ZC3H12B: variants seen among roughly 807,000 people sequenced by gnomAD.
The protein encoded by ZC3H12B is zinc finger CCCH-type containing 12B.
A neutral mutation model predicts 43.9 loss-of-function variants in ZC3H12B; 7 were observed. That is an observed-to-expected ratio of 0.16 (90% CI 0.09 to 0.30). The LOEUF is 0.30. Among genes scored for constraint, ZC3H12B ranks in the 10% least tolerant of loss-of-function variants. The pLI, the probability that ZC3H12B is intolerant of heterozygous loss-of-function variation, is 1.00. For missense variants in ZC3H12B, 475 were observed against 670.2 expected, an observed-to-expected ratio of 0.71 and a Z score of 3.22; for synonymous variants, 222 against 241.7, an observed-to-expected ratio of 0.92 and a Z score of 0.76.
At chrX:65,178,178 A>T in the ZC3H12B span, among the ~76,000 whole-genome samples, 1 of 112,440 alleles carries the variant, frequency 8.9e-6, no homozygotes, top group Non-Finnish European at 1.9e-5. Flanking sequence ...TTCCCTATTT[A>T]ATAAACAGTG....
At chrX:65,262,889 C>A in the ZC3H12B span, among the ~76,000 whole-genome samples, 1 of 110,547 alleles carries the variant, frequency 9.0e-6, no homozygotes, top group African/African-American at 3.3e-5. Flanking sequence ...ACTCACTGTG[C>A]CTCACTCCCT....
chrX:65,373,983 A>AGTT (rs372669932), intron 2 of ZC3H12B, among the ~76,000 whole-genome samples: 1 of 11,099 alleles, frequency 9.0e-5, no homozygotes, highest in African/African-American at 2.6e-4. Flanking sequence ...ATATATATAT[A>AGTT]CTATATATAT....
chrX:65,101,691 AAAG>A, the ZC3H12B span, among the ~76,000 whole-genome samples: 1 of 111,857 alleles, frequency 8.9e-6, no homozygotes, highest in African/African-American at 3.3e-5. Context: ...ACTAAACCAA[AAAG>A]AAGTCAAATC....
In ZC3H12B at chrX:65,449,253, C is replaced by A. The variant is rs181496396; in HGVS notation, n.408-39393C>A. Among the ~76,000 whole-genome samples the A allele has an allele frequency of 2.1e-3, 235 of 110,700 alleles. 1 individual carries two copies. The highest frequency in any genetic ancestry group is 3.5e-3 in the Non-Finnish European group (183 of 52,839). ...TTGTGCAGCAAATCACCATGGCACA[C>A]GTTTATCTATGTAACAAACCTGCAC... On this transcript the variant is annotated intron_variant and non_coding_transcript_variant, in intron 3 of 5. Transcript: ENST00000617377.
chrX:65,227,625 T>TA, the ZC3H12B span, among the ~76,000 whole-genome samples: 2 of 111,154 alleles, frequency 1.8e-5, no homozygotes, highest in Non-Finnish European at 3.8e-5. Context: ...ACAAAATTGA[T>TA]ACACTGCTAG....
chrX:65,251,712 G>A, the ZC3H12B span, among the ~76,000 whole-genome samples: 6 of 111,519 alleles, frequency 5.4e-5, no homozygotes, highest in East Asian at 2.8e-4. Flanking sequence ...TTGTGAATGG[G>A]AGTTCACTCA....
chrX:65,218,617 C>T, the ZC3H12B span, among the ~76,000 whole-genome samples: 1 of 110,578 alleles, frequency 9.0e-6, no homozygotes, highest in Non-Finnish European at 1.9e-5. Context: ...AACATAACTT[C>T]ATTGCCCCAG....
At chrX:65,393,724 AT>A (rs2066658196) in intron 2 of ZC3H12B, among the ~76,000 whole-genome samples, 1 of 112,171 alleles carries the variant, frequency 8.9e-6, no homozygotes, top group South Asian at 3.7e-4. Flanking sequence ...CAGTAATGGG[AT>A]TGCTGGGTCA....
chrX:65,318,119 C>G, the ZC3H12B span, among the ~76,000 whole-genome samples: 1 of 108,729 alleles, frequency 9.2e-6, no homozygotes, highest in African/African-American at 3.3e-5. Context: ...AGTAGTAGTA[C>G]TAGTTTAAAT....
chrX:65,155,114 A>T, the ZC3H12B span, among the ~76,000 whole-genome samples: 2 of 109,068 alleles, frequency 1.8e-5, no homozygotes, highest in African/African-American at 6.7e-5. Context: ...CAACCACCAA[A>T]CCTGGCCACT....
At chrX:65,161,712 A>G in the ZC3H12B span, among the ~76,000 whole-genome samples, 3 of 111,830 alleles carry the variant, frequency 2.7e-5, no homozygotes, top group Middle Eastern at 4.6e-3. Context: ...TTGACTCTTT[A>G]TCCAATTTGC....
the ZC3H12B span, among the ~76,000 whole-genome samples, chrX:65,160,504 C>T: frequency 1.8e-5 from 2 of 111,458 alleles, no homozygotes; most frequent in Non-Finnish European, 3.8e-5. Flanking sequence ...TTGTATGTGT[C>T]GAGGAATTTA....
chrX:65,411,480 C>A (rs1188111603), intron 3 of ZC3H12B, among the ~76,000 whole-genome samples: 1 of 111,309 alleles, frequency 9.0e-6, no homozygotes, highest in Admixed American at 9.5e-5. Flanking sequence ...GTAATCACAG[C>A]ACTTTGGGAG....
At chrX:65,179,646 A>G in the ZC3H12B span, among the ~76,000 whole-genome samples, 65 of 111,484 alleles carry the variant, frequency 5.8e-4, no homozygotes, top group Non-Finnish European at 2.1e-4. Context: ...CACAATAAAA[A>G]TGATAGGATG....
At chrX:65,458,467 C>A (rs2067670847) in intron 3 of ZC3H12B, among the ~76,000 whole-genome samples, 1 of 111,777 alleles carries the variant, frequency 8.9e-6, no homozygotes, top group Non-Finnish European at 1.9e-5. Context: ...AAGTAAAGCA[C>A]TCCTCAGCAA....
At chrX:65,332,241 C>A in the ZC3H12B span, among the ~76,000 whole-genome samples, 2 of 110,545 alleles carry the variant, frequency 1.8e-5, no homozygotes, top group East Asian at 5.7e-4. Flanking sequence ...TGAACAGGGG[C>A]AATAATATTC....
the ZC3H12B span, among the ~76,000 whole-genome samples, chrX:65,214,891 T>C: frequency 8.9e-6 from 1 of 111,775 alleles, no homozygotes; most frequent in African/African-American, 3.3e-5. Context: ...TCTTGATTCA[T>C]GAGTTGCAGA....
Position 65,411,893 on chromosome X carries a change from C to T in ZC3H12B, n.407+13189C>T, listed in dbSNP as rs183561420. On this transcript the variant is annotated intron_variant and non_coding_transcript_variant, in intron 3 of 5. Transcript: ENST00000617377. ...TCATGTACCCCACAAATATAGACGC[C>T]CACAAAAATTTAAAATAAAATAAAA... is the stretch of plus-strand genomic sequence containing the variant. Among the ~76,000 whole-genome samples the T allele has an allele frequency of 1.6e-3, 165 of 104,891 alleles. 2 individuals are homozygous for T. Among genetic ancestry groups the T allele is most frequent in the African/African-American group, 5.6e-3 (162 of 28,947 alleles). The allele number at this position is 104,891 out of a possible 115,157, so 91.1% of individuals were successfully genotyped here.
chrX:65,452,918 A>G (rs1403051909), intron 3 of ZC3H12B, among the ~76,000 whole-genome samples: 5 of 110,219 alleles, frequency 4.5e-5, no homozygotes, highest in Non-Finnish European at 9.5e-5. Flanking sequence ...TGTAAAAATG[A>G]ACATACTGCT....
Sources: gnomAD v4.1 joint callset for allele counts (sites outside exome capture counted in the v4.1 genomes callset) on GRCh38, gnomAD v4.1.1 for gene constraint, MANE v1.5 for transcripts, NCBI Gene and HGNC (gene_info 2026-07-23, HGNC 2026-07-21) for gene names.